CHSY3: variants seen among roughly 807,000 people sequenced by gnomAD.
CHSY3 encodes the protein chondroitin sulfate synthase 3.
CHSY3 carries 35 observed loss-of-function variants against 67.2 expected under a neutral mutation model. The ratio of observed to expected loss-of-function variants is 0.52; its 90% CI spans 0.40 to 0.69. The LOEUF is 0.69. Ranked by LOEUF, CHSY3 falls within the 30% of genes least tolerant of loss-of-function variation. The pLI is 0.00. For synonymous variants in CHSY3, 474 were observed against 434.7 expected (o/e 1.09, Z -1.12); for missense variants, 1,069 against 1,138.5 (o/e 0.94, Z 0.88).
Position 130,104,717 on chromosome 5 carries a change from T to G in CHSY3, c.1087-79512T>G, listed in dbSNP as rs193099810. 4.0e-5 allele frequency among the ~76,000 whole-genome samples: 6 copies of G among 149,912 alleles called. No homozygotes were observed. The East Asian group carries it at 9.7e-4, about 24-fold the overall frequency. ...TTGTTAATGTTTCGACTTGTTAATG[T>G]TTTTTGTTAATGAATATGAATTAAC... On this transcript the variant is annotated intron_variant, in intron 2 of 2. Coordinates refer to ENST00000305031, the MANE Select transcript of CHSY3 (RefSeq NM_175856.5).
At chr5:129,993,262 A>G (rs1035677082) in intron 2 of CHSY3, among the ~76,000 whole-genome samples, 3 of 151,944 alleles carry the variant, frequency 2.0e-5, no homozygotes, top group Non-Finnish European at 4.4e-5. Flanking sequence ...GTCTTTTAAG[A>G]GTGATGTGAT....
chr5:130,087,332 A>G (rs1163203070), intron 2 of CHSY3, among the ~76,000 whole-genome samples: 8 of 151,934 alleles, frequency 5.3e-5, no homozygotes, highest in Admixed American at 1.3e-4. Flanking sequence ...CTCTCTCACC[A>G]CTCCTATTCA....
At chr5:130,183,350 C>G (rs1010315228) in intron 2 of CHSY3, among the ~76,000 whole-genome samples, 1 of 152,134 alleles carries the variant, frequency 6.6e-6, no homozygotes, top group Non-Finnish European at 1.5e-5. Context: ...GGGTATGATA[C>G]TTTACATCAG....
At chr5:130,042,406 A>G (rs1765030810) in intron 2 of CHSY3, among the ~76,000 whole-genome samples, 1 of 152,152 alleles carries the variant, frequency 6.6e-6, no homozygotes, top group Non-Finnish European at 1.5e-5. Context: ...ATATTCATAC[A>G]TTCTAATTTT....
At chr5:129,904,090 G>A (rs1299380695), upstream of CHSY3, among the ~76,000 whole-genome samples, 5 of 152,046 alleles carry the variant, frequency 3.3e-5, no homozygotes, top group Non-Finnish European at 4.4e-5. Flanking sequence ...CCTAGGCGCC[G>A]GGAGGAGGCC....
intron 2 of CHSY3, among the ~76,000 whole-genome samples, chr5:130,146,000 G>A (rs6897966): frequency 7.2e-5 from 11 of 152,066 alleles, no homozygotes; most frequent in African/African-American, 2.4e-4. Context: ...CACTGTTGGT[G>A]GTATTGTAAA....
intron 2 of CHSY3, among the ~76,000 whole-genome samples, chr5:130,120,513 A>G (rs1767979273): frequency 6.6e-6 from 1 of 151,610 alleles, no homozygotes; most frequent in African/African-American, 2.4e-5. Context: ...AAAAAAGACA[A>G]AATTATAAGG....
chr5:129,953,549 C>T (rs1429996478), intron 2 of CHSY3, among the ~76,000 whole-genome samples: 3 of 152,072 alleles, frequency 2.0e-5, no homozygotes, highest in African/African-American at 7.2e-5. Context: ...CTTGAGGAGT[C>T]GCCACACTGT....
In CHSY3 at chr5:129,904,600, C is replaced by T; in HGVS notation, c.-230C>T. 1.6e-6 allele frequency: 1 copy of T among 614,330 alleles called. No homozygotes were observed. 38.1% of individuals were successfully genotyped at this position (614,330 alleles called of 1,614,324 possible). ...CCGCCGGGAGAAGTTTCACTCCCGACCCTTGCTCGGAGCCCCGGCCCAGAG... is the reference window on the plus strand; with the variant it reads ...CCGCCGGGAGAAGTTTCACTCCCGATCCTTGCTCGGAGCCCCGGCCCAGAG... On this transcript the variant is annotated 5_prime_UTR_variant, in exon 1 of 3. Coordinates refer to ENST00000305031, the MANE Select transcript of CHSY3 (RefSeq NM_175856.5).
At chr5:130,002,085 A>G (rs1763742795) in intron 2 of CHSY3, 1 of 953,506 alleles carries the variant, frequency 1.0e-6, no homozygotes, top group African/African-American at 1.8e-5. Flanking sequence ...TTGCCTATAA[A>G]CAAAGGTGGT....
chr5:130,124,541 C>T (rs1336854552), intron 2 of CHSY3, among the ~76,000 whole-genome samples: 2 of 152,072 alleles, frequency 1.3e-5, no homozygotes, highest in East Asian at 3.9e-4. Flanking sequence ...CTGCAACCTC[C>T]ACCTCCTCAG....
At chr5:130,053,905 A>C (rs1200667257) in intron 2 of CHSY3, among the ~76,000 whole-genome samples, 1 of 152,176 alleles carries the variant, frequency 6.6e-6, no homozygotes, top group Non-Finnish European at 1.5e-5. Flanking sequence ...AAAATTCATC[A>C]TGAGATATCA....
chr5:130,087,076 T>C lies in CHSY3; in HGVS notation c.1087-97153T>C, dbSNP rs1766662627. Among the ~76,000 whole-genome samples the C allele has an allele frequency of 2.0e-5, 3 of 152,232 alleles. No individual in the cohort carries two copies. The South Asian group carries it at 6.2e-4, about 32-fold the overall frequency. ...GGCTGTTTCAATATATGCAAATCAATAAATGTAATCCAGCATATAAACAGA... is the reference window on the plus strand; with the variant it reads ...GGCTGTTTCAATATATGCAAATCAACAAATGTAATCCAGCATATAAACAGA... On this transcript the variant is annotated intron_variant, in intron 2 of 2. Coordinates refer to ENST00000305031, the MANE Select transcript of CHSY3 (RefSeq NM_175856.5).
At chr5:129,991,473 C>T (rs954235894) in intron 2 of CHSY3, among the ~76,000 whole-genome samples, 1 of 151,964 alleles carries the variant, frequency 6.6e-6, no homozygotes, top group Admixed American at 6.6e-5. Context: ...ATTATTTGTT[C>T]TTTTTATAAA....
intron 2 of CHSY3, among the ~76,000 whole-genome samples, chr5:129,908,713 C>G (rs1760419623): frequency 6.6e-6 from 1 of 151,990 alleles, no homozygotes; most frequent in Non-Finnish European, 1.5e-5. Context: ...TTAGCTGTAG[C>G]CTTTAGCATT....
intron 2 of CHSY3, among the ~76,000 whole-genome samples, chr5:130,126,875 A>G (rs943960081): frequency 2.0e-5 from 3 of 152,216 alleles, no homozygotes; most frequent in Admixed American, 2.0e-4. Flanking sequence ...CCTTTGGTTC[A>G]TACCCCATTA....
chr5:129,979,237 AAAAG>A (rs1762907723), intron 2 of CHSY3, among the ~76,000 whole-genome samples: 1 of 151,260 alleles, frequency 6.6e-6, no homozygotes, highest in Non-Finnish European at 1.5e-5. Flanking sequence ...AAAGAAAAGA[AAAAG>A]AAAAATTAGT....
chr5:130,100,311 A>G (rs1253854094), intron 2 of CHSY3, among the ~76,000 whole-genome samples: 9 of 150,882 alleles, frequency 6.0e-5, no homozygotes, highest in African/African-American at 2.2e-4. Context: ...CAGCCTCTCA[A>G]GTAGCTGGGG....
At chr5:130,167,641 C>G (rs749326321) in intron 2 of CHSY3, among the ~76,000 whole-genome samples, 37 of 151,982 alleles carry the variant, frequency 2.4e-4, no homozygotes, top group Non-Finnish European at 4.9e-4. Flanking sequence ...AGTATAAGCC[C>G]TTTCTTACTT....
Sources: gnomAD v4.1 joint callset for allele counts (sites outside exome capture counted in the v4.1 genomes callset) on GRCh38, gnomAD v4.1.1 for gene constraint, MANE v1.5 for transcripts, NCBI Gene and HGNC (gene_info 2026-07-23, HGNC 2026-07-21) for gene names.